The following ZNF569 variants were observed in gnomAD, a reference collection of about 807,000 sequenced individuals.
ZNF569 encodes the protein DNA-binding protein.
Under a neutral mutation model 56.3 loss-of-function variants are expected in ZNF569, and 38 were observed. The observed-to-expected ratio is 0.68, with a 90% CI of 0.52 to 0.88. The LOEUF (loss-of-function observed/expected upper bound fraction) is 0.88. Among genes scored for constraint, ZNF569 ranks in the 40% least tolerant of loss-of-function variants. The probability of loss-of-function intolerance (pLI) is 0.00; values close to 1 mark genes in which losing one functional copy is unlikely to be tolerated. For missense variants in ZNF569, 666 were observed against 809.2 expected, an observed-to-expected ratio of 0.82 and a Z score of 2.15; for synonymous variants, 241 against 262.9, an observed-to-expected ratio of 0.92 and a Z score of 0.81.
At chr19:37,438,571 C>G (rs2041350813) in intron 3 of ZNF569, among the ~76,000 whole-genome samples, 1 of 152,002 alleles carries the variant, frequency 6.6e-6, no homozygotes, top group Non-Finnish European at 1.5e-5. Context: ...GAAACCAGAC[C>G]CCTATCTCTT....
At chr19:37,426,520 T>C in intron 3 of ZNF569, 142 bp from the exon 4 acceptor site, 1 of 895,642 alleles carries the variant, frequency 1.1e-6, no homozygotes, top group Non-Finnish European at 1.6e-6. Flanking sequence ...TTTATGTTCA[T>C]TCACTGATTA....
chr19:37,450,439 A>G (rs2041573273), intron 2 of ZNF569, among the ~76,000 whole-genome samples: 1 of 152,144 alleles, frequency 6.6e-6, no homozygotes, highest in Non-Finnish European at 1.5e-5. Flanking sequence ...TTGTTGATGT[A>G]TAATTGTTCA....
In ZNF569 at chr19:37,439,318, G is replaced by A. The variant is rs576131586; in HGVS notation, c.15+5589C>T. 2.6e-5 allele frequency among the ~76,000 whole-genome samples: 4 copies of A among 152,222 alleles called. No individual in the cohort carries two copies. In the East Asian group the frequency reaches 5.8e-4, roughly 22 times the overall value. ...ACTCCTGACCTCAGATGATCCACCCGCCTTGGCCTCCCAAAGTGGTGGGAT... is the reference window on the plus strand; with the variant it reads ...ACTCCTGACCTCAGATGATCCACCCACCTTGGCCTCCCAAAGTGGTGGGAT... On this transcript the variant is annotated intron_variant, in intron 3 of 5. Coordinates refer to ENST00000316950, the MANE Select transcript of ZNF569 (RefSeq NM_152484.3).
intron 5 of ZNF569, among the ~76,000 whole-genome samples, chr19:37,425,352 T>G (rs62110394): frequency 1.4e-5 from 2 of 142,038 alleles, no homozygotes. Flanking sequence ...GACAGAGTCT[T>G]GCTCTGTCGC....
rs1331211792 is a variant in ZNF569 at position 37,439,178 on chromosome 19, C to A, written c.15+5729G>T. On this transcript the variant is annotated intron_variant, in intron 3 of 5. Transcript: ENST00000316950. ...CTCCGCCTCCCGGGTTCAAGCGATTCTCCTGCCTCAGCCTCCTGAGTAGCT... is the reference window on the plus strand; with the variant it reads ...CTCCGCCTCCCGGGTTCAAGCGATTATCCTGCCTCAGCCTCCTGAGTAGCT... 2.0e-5 allele frequency among the ~76,000 whole-genome samples: 3 copies of A among 152,206 alleles called. No homozygotes were observed. In the East Asian group the frequency reaches 5.8e-4, roughly 29 times the overall value.
rs147968771 is a variant in ZNF569, at chr19:37,439,579, TG to T, written c.15+5327del. ...ATATACCCAAAAGAAAGGAAATCAG[TG>T]TATTAAAGAGATATCTGTACTCCCT... On this transcript the variant is annotated intron_variant, in intron 3 of 5. Transcript: ENST00000316950. Among the ~76,000 whole-genome samples the T allele has an allele frequency of 7.1e-3, 1,081 of 152,254 alleles. 15 individuals are homozygous for T. Among genetic ancestry groups the T allele is most frequent in the African/African-American group, 0.024 (1,007 of 41,526 alleles).
At chr19:37,436,322 T>C (rs1176350549) in intron 3 of ZNF569, among the ~76,000 whole-genome samples, 1 of 151,936 alleles carries the variant, frequency 6.6e-6, no homozygotes, top group Non-Finnish European at 1.5e-5. Context: ...TCAAAGCCCA[T>C]GGGATATGGC....
intron 2 of ZNF569, among the ~76,000 whole-genome samples, chr19:37,455,890 G>A (rs571833625): frequency 2.0e-5 from 3 of 152,272 alleles, no homozygotes; most frequent in South Asian, 2.1e-4. Flanking sequence ...TGTGGGTACC[G>A]CTCTATCTGG....
At chr19:37,440,228 A>G (rs2041381546) in intron 3 of ZNF569, among the ~76,000 whole-genome samples, 3 of 152,318 alleles carry the variant, frequency 2.0e-5, no homozygotes, top group Admixed American at 6.5e-5. Flanking sequence ...AACTAACAAC[A>G]AAGAATCCTA....
rs1199294974 is a variant in ZNF569 at position 37,426,316 on chromosome 19, A to G, written c.78T>C (p.Asp26=). The G allele has an allele frequency of 3.7e-6, 6 of 1,613,858 alleles. No homozygotes were observed. Among genetic ancestry groups the G allele is most frequent in the South Asian group, 3.3e-5 (3 of 91,016 alleles). Residue 26 remains aspartate, a synonymous_variant, in exon 4 of 6, where the codon GAT becomes GAC. Coordinates refer to ENST00000316950, the MANE Select transcript of ZNF569 (RefSeq NM_152484.3). ...TCCGGTACAGTTTTCTCTGAGCAGG[A>G]TCCAATCTCTTCCACTCCTCCTGAG... The part of the protein sequence containing the change: ...DFTQEEWKRL[D]PAQRKLYRNV...
Position 37,412,962 on chromosome 19 carries a change from T to C in ZNF569, c.1696A>G (p.Asn566Asp). 2 of 1,613,614 alleles carry C rather than the reference T, an allele frequency of 1.2e-6. No homozygotes were observed. The highest frequency in any genetic ancestry group is 1.7e-6 in the Non-Finnish European group (2 of 1,179,826). Residue 566 changes from asparagine (N) to aspartate (D), a missense_variant, in exon 6 of 6, where the codon AAT becomes GAT. Transcript: ENST00000316950. Reference sequence around the variant, plus strand: ...CCTGTGTGACTTCTCATATGTAAATTAAGCAGTGAGCACTGAGAGAAGGCT... The same window carrying C: ...CCTGTGTGACTTCTCATATGTAAATCAAGCAGTGAGCACTGAGAGAAGGCT... ...GKAFSQCSLL[N>D]LHMRSHTGEK...
At chr19:37,423,353 T>C (rs1600298336) in intron 5 of ZNF569, among the ~76,000 whole-genome samples, 1 of 152,190 alleles carries the variant, frequency 6.6e-6, no homozygotes, top group Admixed American at 6.5e-5. Flanking sequence ...ACTAATGCTA[T>C]ATAAATGCTC....
chr19:37,463,697 AGAT>A (rs1217139502), intron 2 of ZNF569, among the ~76,000 whole-genome samples: 1 of 152,142 alleles, frequency 6.6e-6, no homozygotes, highest in East Asian at 1.9e-4. Flanking sequence ...TTATCACAGG[AGAT>A]GATAACCATG....
chr19:37,418,806 C>T (rs1203641297), intron 5 of ZNF569, among the ~76,000 whole-genome samples: 1 of 152,134 alleles, frequency 6.6e-6, no homozygotes, highest in African/African-American at 2.4e-5. Context: ...ACTCTAGAGT[C>T]AGGGACACCA....
At chr19:37,467,863 T>C, upstream of ZNF569, 6 of 1,535,990 alleles carry the variant, frequency 3.9e-6, no homozygotes, top group Non-Finnish European at 5.2e-6. Context: ...GGCTGTTTGA[T>C]TCTGACCTTG....
At chr19:37,443,488 A>G (rs936474618) in intron 3 of ZNF569, among the ~76,000 whole-genome samples, 2 of 152,236 alleles carry the variant, frequency 1.3e-5, no homozygotes, top group African/African-American at 2.4e-5. Flanking sequence ...TATTCACAGA[A>G]TATCAAGTGT....
In ZNF569 at chr19:37,413,670, C is replaced by G. The variant is rs189329380; in HGVS notation, c.988G>C (p.Glu330Gln). 2 of 1,614,018 alleles carry G rather than the reference C, an allele frequency of 1.2e-6. No individual in the cohort carries two copies. Among genetic ancestry groups the G allele is most frequent in the Non-Finnish European group, 8.5e-7 (1 of 1,179,952 alleles). Residue 330 changes from glutamate (E) to glutamine (Q), a missense_variant, in exon 6 of 6, where the codon GAA becomes CAA. Transcript: ENST00000316950. ...HTGEKPYACNECGKAFPRIAS... is the reference protein window; with the variant it reads ...HTGEKPYACNQCGKAFPRIAS... Reference sequence around the variant, plus strand: ...ATTCGAGGGAAGGCTTTACCACATTCATTACATGCATAAGGTTTCTCCCCA... The same window carrying G: ...ATTCGAGGGAAGGCTTTACCACATTGATTACATGCATAAGGTTTCTCCCCA...
chr19:37,442,065 G>A (rs1443930988), intron 3 of ZNF569, among the ~76,000 whole-genome samples: 1 of 152,224 alleles, frequency 6.6e-6, no homozygotes, highest in African/African-American at 2.4e-5. Flanking sequence ...AGAACTCACA[G>A]GGGATAGCAG....
intron 3 of ZNF569, among the ~76,000 whole-genome samples, chr19:37,443,728 C>T (rs550348386): frequency 1.3e-5 from 2 of 151,950 alleles, no homozygotes; most frequent in African/African-American, 2.4e-5. Flanking sequence ...ATTTACGGGC[C>T]GGGCGCAGTG....
Sources: gnomAD v4.1 joint callset for allele counts (sites outside exome capture counted in the v4.1 genomes callset) on GRCh38, gnomAD v4.1.1 for gene constraint, MANE v1.5 for transcripts, NCBI Gene and HGNC (gene_info 2026-07-23, HGNC 2026-07-21) for gene names.